The following WWOX variants were observed in gnomAD, a reference collection of about 807,000 sequenced individuals.
WWOX encodes WW domain-containing oxidoreductase.
Under a neutral mutation model 46.2 loss-of-function variants are expected in WWOX, and 69 were observed. The ratio of observed to expected loss-of-function variants is 1.49; its 90% CI spans 1.23 to 1.82. The LOEUF is 1.82. Ranked by LOEUF, WWOX falls within the 40% of genes most tolerant of loss-of-function variation. The probability of loss-of-function intolerance (pLI) is 0.00; values close to 1 mark genes in which losing one functional copy is unlikely to be tolerated. For missense variants in WWOX, 919 were observed against 542.6 expected (o/e 1.69, Z -6.89); for synonymous variants, 359 against 202.6 (o/e 1.77, Z -6.56).
At chr16:78,547,800 C>CAATGACCT (rs1252966903) in intron 8 of WWOX, among the ~76,000 whole-genome samples, 1 of 152,018 alleles carries the variant, frequency 6.6e-6, no homozygotes, top group Non-Finnish European at 1.5e-5. Context: ...GGCTTTGCCT[C>CAATGACCT]AATGACCTAA....
intron 8 of WWOX, among the ~76,000 whole-genome samples, chr16:78,456,221 G>C (rs192160795): frequency 1.3e-5 from 2 of 152,290 alleles, no homozygotes; most frequent in East Asian, 1.9e-4. Context: ...AACACAGTAA[G>C]TTGGGAAGAG....
intron 8 of WWOX, among the ~76,000 whole-genome samples, chr16:78,869,969 G>A (rs918205215): frequency 6.6e-6 from 1 of 152,186 alleles, no homozygotes. Context: ...TGAGCTTAAA[G>A]GTTTTGGAAG....
At chr16:78,591,083 A>C (rs1332286810) in intron 8 of WWOX, among the ~76,000 whole-genome samples, 1 of 152,172 alleles carries the variant, frequency 6.6e-6, no homozygotes, top group Non-Finnish European at 1.5e-5. Context: ...GTGAGAGGTG[A>C]CATGCCATGA....
At chr16:79,109,918 G>C (rs943161513) in intron 8 of WWOX, among the ~76,000 whole-genome samples, 2 of 152,188 alleles carry the variant, frequency 1.3e-5, no homozygotes, top group African/African-American at 4.8e-5. Context: ...CAGAAACTTT[G>C]GAGTAGTATG....
At position 78,838,458 on chromosome 16, in the gene WWOX, AC is replaced by A. The variant is rs533673893; in HGVS notation, c.1057-373149del. On this transcript the variant is annotated intron_variant, in intron 8 of 8. Coordinates refer to ENST00000566780, the MANE Select transcript of WWOX (RefSeq NM_016373.4). ...GAATATTTTCTTTGGCTGCAAATGT[AC>A]TATAAAAGAGTGAAAAAGCCAATCC... Among the ~76,000 whole-genome samples, 480 of 152,354 alleles carry A rather than the reference AC, an allele frequency of 3.2e-3. 1 individual carries two copies. Among genetic ancestry groups the A allele is most frequent in the Middle Eastern group, 0.024 (7 of 294 alleles).
intron 5 of WWOX, among the ~76,000 whole-genome samples, chr16:78,272,187 T>C (rs2151847381): frequency 6.6e-6 from 1 of 152,348 alleles, no homozygotes; most frequent in East Asian, 1.9e-4. Context: ...CCTTGTGGTG[T>C]TGACTGGGGT....
intron 8 of WWOX, among the ~76,000 whole-genome samples, chr16:78,794,920 C>T (rs887621799): frequency 6.6e-6 from 1 of 152,212 alleles, no homozygotes; most frequent in Non-Finnish European, 1.5e-5. Flanking sequence ...AGCCCTGTGC[C>T]TGGCATACTG....
intron 8 of WWOX, among the ~76,000 whole-genome samples, chr16:78,518,641 T>G (rs186225974): frequency 6.6e-6 from 1 of 152,162 alleles, no homozygotes; most frequent in African/African-American, 2.4e-5. Context: ...GCATCTAGAT[T>G]TCATTTATTT....
intron 8 of WWOX, among the ~76,000 whole-genome samples, chr16:78,517,210 T>C (rs1444390179): frequency 6.6e-6 from 1 of 152,174 alleles, no homozygotes; most frequent in East Asian, 1.9e-4. Flanking sequence ...TCAAGGAGCT[T>C]ATCATCTATT....
chr16:79,002,595 A>G (rs1264026523), intron 8 of WWOX, among the ~76,000 whole-genome samples: 1 of 152,224 alleles, frequency 6.6e-6, no homozygotes. Context: ...TGATTACAGC[A>G]GATCAGTTAT....
chr16:78,681,384 A>G (rs2142234006), intron 8 of WWOX, among the ~76,000 whole-genome samples: 1 of 152,300 alleles, frequency 6.6e-6, no homozygotes, highest in Non-Finnish European at 1.5e-5. Context: ...AGTCTGGGTG[A>G]CAGAGCGAGA....
chr16:79,132,185 A>C (rs541412376), intron 8 of WWOX, among the ~76,000 whole-genome samples: 1 of 151,558 alleles, frequency 6.6e-6, no homozygotes, highest in Non-Finnish European at 1.5e-5. Flanking sequence ...TACGTCCTAC[A>C]TCCCTGTACT....
chr16:78,229,334 A>G (rs377646239), intron 5 of WWOX, among the ~76,000 whole-genome samples: 91 of 151,160 alleles, frequency 6.0e-4, no homozygotes, highest in African/African-American at 2.1e-3. Context: ...TCTTGATCAA[A>G]TTGCTTTTCT....
rs528092782 is a variant in WWOX, at chr16:78,482,621, A to C, written c.1056+49869A>C. Reference sequence around the variant, plus strand: ...GCATGTGATTTCTAATTTCCTGACCATTCTATGAAGTGGCTACTATAATTA... The same window carrying C: ...GCATGTGATTTCTAATTTCCTGACCCTTCTATGAAGTGGCTACTATAATTA... On this transcript the variant is annotated intron_variant, in intron 8 of 8. Coordinates refer to ENST00000566780, the MANE Select transcript of WWOX (RefSeq NM_016373.4). Among the ~76,000 whole-genome samples the C allele has an allele frequency of 8.5e-4, 130 of 152,316 alleles. 1 individual carries two copies. The highest frequency in any genetic ancestry group is 1.1e-3 in the Non-Finnish European group (73 of 68,022).
intron 4 of WWOX, among the ~76,000 whole-genome samples, chr16:78,133,513 G>A (rs1219031135): frequency 6.6e-6 from 1 of 152,058 alleles, no homozygotes; most frequent in African/African-American, 2.4e-5. Context: ...TGCCCGCCTT[G>A]GCCTCCCAAA....
intron 8 of WWOX, among the ~76,000 whole-genome samples, chr16:79,012,740 T>C (rs1597275809): frequency 6.6e-6 from 1 of 152,232 alleles, no homozygotes. Context: ...TGCCCTTTTT[T>C]CCTCCCCTGG....
intron 8 of WWOX, among the ~76,000 whole-genome samples, chr16:79,000,199 G>T (rs1396211843): frequency 1.3e-5 from 2 of 152,132 alleles, no homozygotes; most frequent in Non-Finnish European, 2.9e-5. Context: ...CGTTCACACG[G>T]CACGTCATTG....
At chr16:78,867,396 C>A (rs542286729) in intron 8 of WWOX, among the ~76,000 whole-genome samples, 1 of 152,112 alleles carries the variant, frequency 6.6e-6, no homozygotes, top group Admixed American at 6.5e-5. Context: ...ACACATCTTA[C>A]CTCAACTGGT....
At chr16:79,007,760 C>G (rs1016895091) in intron 8 of WWOX, among the ~76,000 whole-genome samples, 1 of 152,142 alleles carries the variant, frequency 6.6e-6, no homozygotes, top group African/African-American at 2.4e-5. Context: ...ATGGAGAGCT[C>G]TTTCTCGGAT....
Sources: allele counts gnomAD v4.1 joint callset (sites outside exome capture counted in the v4.1 genomes callset), GRCh38; gene constraint gnomAD v4.1.1; transcripts MANE v1.5; gene names NCBI Gene and HGNC (gene_info 2026-07-23, HGNC 2026-07-21).